Variants in CACNG2 observed in about 807,000 individuals in gnomAD.
The protein encoded by CACNG2 is voltage-dependent calcium channel gamma-2 subunit.
A neutral mutation model predicts 25.9 loss-of-function variants in CACNG2; 3 were observed. That is an observed-to-expected ratio of 0.12 (90% CI 0.05 to 0.30). The LOEUF is 0.30. Ranked by LOEUF, CACNG2 falls within the 10% of genes least tolerant of loss-of-function variation. The pLI is 1.00. For synonymous variants in CACNG2, 167 were observed against 173.3 expected (o/e 0.96, Z 0.29); for missense variants, 341 against 432.5 (o/e 0.79, Z 1.88).
chr22:36,604,530 C>A (rs748092588), intron 1 of CACNG2, among the ~76,000 whole-genome samples: 10 of 152,252 alleles, frequency 6.6e-5, no homozygotes, highest in Non-Finnish European at 1.3e-4. Context: ...ATTGATGTGG[C>A]AAACTACATT....
chr22:36,653,960 T>TTGTGTG (rs140752261), intron 1 of CACNG2, among the ~76,000 whole-genome samples: 1 of 124,142 alleles, frequency 8.1e-6, no homozygotes, highest in Non-Finnish European at 1.7e-5. Flanking sequence ...TACAGTGTGT[T>TTGTGTG]TGTGTGTGTG....
At chr22:36,669,332 T>C (rs1025770283) in intron 1 of CACNG2, among the ~76,000 whole-genome samples, 8 of 149,796 alleles carry the variant, frequency 5.3e-5, no homozygotes, top group African/African-American at 2.0e-4. Context: ...TGACACCCCA[T>C]CTCTACTAAA....
In CACNG2 at chr22:36,589,779, G is replaced by A. The variant is rs536367078; in HGVS notation, c.212-2231C>T. 5.3e-5 allele frequency among the ~76,000 whole-genome samples: 8 copies of A among 152,118 alleles called. No individual in the cohort carries two copies. The South Asian group carries it at 1.7e-3, about 32-fold the overall frequency. ...CTCCTGCATCTTGGGGTGTTAAAAG[G>A]AAGCCTTGTCCCCTCCCTAGTACCT... On this transcript the variant is annotated intron_variant, in intron 1 of 3. Coordinates refer to ENST00000300105, the MANE Select transcript of CACNG2 (RefSeq NM_006078.5).
intron 1 of CACNG2, among the ~76,000 whole-genome samples, chr22:36,666,614 A>T (rs1445555786): frequency 1.3e-5 from 2 of 152,082 alleles, no homozygotes; most frequent in Non-Finnish European, 2.9e-5. Context: ...TGATGGTTGC[A>T]CATGAAGGTA....
At chr22:36,625,176 G>C (rs574991043) in intron 1 of CACNG2, among the ~76,000 whole-genome samples, 17 of 152,218 alleles carry the variant, frequency 1.1e-4, no homozygotes, top group African/African-American at 4.1e-4. Context: ...GGGGAATGCA[G>C]GACGTTTCAA....
chr22:36,628,722 GA>G (rs1936223589), intron 1 of CACNG2, among the ~76,000 whole-genome samples: 1 of 152,112 alleles, frequency 6.6e-6, no homozygotes, highest in Non-Finnish European at 1.5e-5. Context: ...TCACTGGCAG[GA>G]AAGTGTGAAT....
At chr22:36,646,425 C>A (rs559983895) in intron 1 of CACNG2, among the ~76,000 whole-genome samples, 1 of 152,150 alleles carries the variant, frequency 6.6e-6, no homozygotes, top group Non-Finnish European at 1.5e-5. Flanking sequence ...TAGAAAAGAA[C>A]GCTATCGTTG....
intron 2 of CACNG2, among the ~76,000 whole-genome samples, chr22:36,575,961 G>T (rs1452137509): frequency 6.6e-6 from 1 of 152,226 alleles, no homozygotes; most frequent in Non-Finnish European, 1.5e-5. Flanking sequence ...CAGACCTGCT[G>T]GGTTGCAAGG....
At chr22:36,673,855 G>T (rs1434290124) in intron 1 of CACNG2, among the ~76,000 whole-genome samples, 3 of 151,966 alleles carry the variant, frequency 2.0e-5, no homozygotes, top group Non-Finnish European at 4.4e-5. Context: ...AGCTCTACTT[G>T]TCACTTCCAG....
chr22:36,583,516 C>A (rs1569020343), intron 2 of CACNG2, among the ~76,000 whole-genome samples: 1 of 152,112 alleles, frequency 6.6e-6, no homozygotes, highest in South Asian at 2.1e-4. Context: ...TTAGGAGATG[C>A]TCTACATGGG....
rs1239998670 is a variant in CACNG2 at position 36,702,660 on chromosome 22, AT to A, written c.-85del. The A allele has an allele frequency of 1.1e-4, 100 of 908,770 alleles. No individual in the cohort carries two copies. The highest frequency in any genetic ancestry group is 2.6e-4 in the Middle Eastern group (1 of 3,834). 56.3% of individuals were successfully genotyped at this position (908,770 alleles called of 1,614,324 possible). Reference sequence around the variant, plus strand: ...GGTGCAAGTACTAAAGCCAAAAAAAATAAATAAAAATAAAAATTATTCCACT... The same window carrying A: ...GGTGCAAGTACTAAAGCCAAAAAAAAAAATAAAAATAAAAATTATTCCACT... On this transcript the variant is annotated 5_prime_UTR_variant, in exon 1 of 4. Transcript: ENST00000300105.
intron 1 of CACNG2, among the ~76,000 whole-genome samples, chr22:36,597,382 T>A (rs1935693505): frequency 6.6e-6 from 1 of 152,142 alleles, no homozygotes; most frequent in East Asian, 1.9e-4. Flanking sequence ...TTAGAAAGAT[T>A]TGGCTTCTAA....
At chr22:36,699,237 TCACACACACACACACACACA>T (rs3076293) in intron 1 of CACNG2, among the ~76,000 whole-genome samples, 1 of 141,800 alleles carries the variant, frequency 7.1e-6, no homozygotes, top group Non-Finnish European at 1.5e-5. Flanking sequence ...GATTTCAAGT[TCACACACACACACACACACA>T]CACACACACA....
chr22:36,691,753 A>G (rs1039403955), intron 1 of CACNG2, among the ~76,000 whole-genome samples: 2 of 152,184 alleles, frequency 1.3e-5, no homozygotes, highest in African/African-American at 4.8e-5. Context: ...AAGATTAAAT[A>G]AGAGCCTCTG....
intron 1 of CACNG2, among the ~76,000 whole-genome samples, chr22:36,669,640 T>C (rs117230328): frequency 0.013 from 1,942 of 152,186 alleles, 22 homozygotes; most frequent in South Asian, 0.025. Flanking sequence ...TGAGTGTGTG[T>C]GCTCATGTCA....
At chr22:36,638,743 G>A (rs1228938054) in intron 1 of CACNG2, among the ~76,000 whole-genome samples, 2 of 152,222 alleles carry the variant, frequency 1.3e-5, no homozygotes, top group East Asian at 3.9e-4. Context: ...CGCTCTTGAA[G>A]GTTAAGGACC....
chr22:36,580,044 G>A (rs983850364), intron 2 of CACNG2, among the ~76,000 whole-genome samples: 2 of 152,258 alleles, frequency 1.3e-5, no homozygotes, highest in African/African-American at 4.8e-5. Flanking sequence ...GCGAATGCCT[G>A]CTGAATGCTC....
chr22:36,689,029 C>T lies in CACNG2; in HGVS notation c.211+13337G>A, dbSNP rs1047406520. On this transcript the variant is annotated intron_variant, in intron 1 of 3. Transcript: ENST00000300105. The stretch of plus-strand genomic sequence containing the variant: ...CCTATCTCCTTTGTTCTACTGTTGG[C>T]GAACTCTTATTCGTCCTGCAGAACC... Among the ~76,000 whole-genome samples the T allele has an allele frequency of 4.6e-5, 7 of 152,230 alleles. No individual in the cohort carries two copies. In the East Asian group the frequency reaches 5.8e-4, roughly 13 times the overall value.
At chr22:36,624,747 A>G (rs1051399270) in intron 1 of CACNG2, among the ~76,000 whole-genome samples, 2 of 151,986 alleles carry the variant, frequency 1.3e-5, no homozygotes, top group Middle Eastern at 3.2e-3. Flanking sequence ...ACCACAGATT[A>G]GGCCGGGCCC....
Sources: allele counts gnomAD v4.1 joint callset (sites outside exome capture counted in the v4.1 genomes callset), GRCh38; gene constraint gnomAD v4.1.1; transcripts MANE v1.5; gene names NCBI Gene and HGNC (gene_info 2026-07-23, HGNC 2026-07-21).